Variants in AGBL4 observed in about 807,000 individuals in gnomAD.
The protein encoded by AGBL4 is AGBL carboxypeptidase 4.
Under a neutral mutation model 66.4 loss-of-function variants are expected in AGBL4, and 58 were observed. That is an observed-to-expected ratio of 0.87 (90% CI 0.71 to 1.09). The LOEUF is 1.09. Among genes scored for constraint, AGBL4 ranks in the 50% least tolerant of loss-of-function variants. The pLI, the probability that AGBL4 is intolerant of heterozygous loss-of-function variation, is 0.00. For synonymous variants in AGBL4, 234 were observed against 222.9 expected, an observed-to-expected ratio of 1.05 and a Z score of -0.44; for missense variants, 579 against 631.0, an observed-to-expected ratio of 0.92 and a Z score of 0.88.
At chr1:49,135,675 A>G (rs1645996778) in intron 4 of AGBL4, among the ~76,000 whole-genome samples, 1 of 152,212 alleles carries the variant, frequency 6.6e-6, no homozygotes, top group African/African-American at 2.4e-5. Context: ...TCCTTAAGGC[A>G]CAGATCGCTC....
At chr1:49,055,711 T>G (rs1644296026) in intron 4 of AGBL4, among the ~76,000 whole-genome samples, 1 of 152,146 alleles carries the variant, frequency 6.6e-6, no homozygotes, top group East Asian at 1.9e-4. Context: ...ATAATTACTT[T>G]GATTTTAAGA....
chr1:50,019,292 T>TCACA (rs1662243099), intron 1 of AGBL4, among the ~76,000 whole-genome samples: 1 of 106,634 alleles, frequency 9.4e-6, no homozygotes, highest in African/African-American at 3.3e-5. Flanking sequence ...TCTCTCTCTC[T>TCACA]CTCTCTCTCT....
chr1:49,384,767 T>C (rs1289056355), intron 3 of AGBL4, among the ~76,000 whole-genome samples: 1 of 152,044 alleles, frequency 6.6e-6, no homozygotes, highest in Non-Finnish European at 1.5e-5. Context: ...GACAAGAATG[T>C]GGAGAAATTG....
chr1:48,554,324 T>A (rs1267524537), intron 11 of AGBL4, among the ~76,000 whole-genome samples: 1 of 152,202 alleles, frequency 6.6e-6, no homozygotes, highest in East Asian at 1.9e-4. Context: ...AAATGCTGTA[T>A]GCCTTGGGCA....
chr1:48,607,899 T>C (rs553500906), intron 9 of AGBL4, among the ~76,000 whole-genome samples: 1 of 152,330 alleles, frequency 6.6e-6, no homozygotes, highest in South Asian at 2.1e-4. Flanking sequence ...TTAATCCTTA[T>C]GACAACTTTA....
At chr1:48,641,858 A>C (rs958900465) in intron 8 of AGBL4, among the ~76,000 whole-genome samples, 1 of 152,196 alleles carries the variant, frequency 6.6e-6, no homozygotes, top group South Asian at 2.1e-4. Context: ...GTAAGAGCCT[A>C]ATAGAGGGAC....
chr1:49,991,381 T>C (rs910854668), intron 1 of AGBL4, among the ~76,000 whole-genome samples: 1 of 152,214 alleles, frequency 6.6e-6, no homozygotes, highest in African/African-American at 2.4e-5. Flanking sequence ...CTTATGCATC[T>C]GCATACATGA....
At chr1:48,621,896 G>A (rs1248428491) in intron 9 of AGBL4, among the ~76,000 whole-genome samples, 2 of 151,158 alleles carry the variant, frequency 1.3e-5, no homozygotes, top group African/African-American at 4.9e-5. Context: ...TGCAATTGCT[G>A]GCTCAAAGCT....
chr1:49,603,929 TACAC>T (rs60862640), intron 3 of AGBL4, among the ~76,000 whole-genome samples: 14,345 of 140,352 alleles, frequency 0.1, 826 homozygotes, highest in East Asian at 0.23. Context: ...TTCCATGGTA[TACAC>T]ACACACACAC....
intron 3 of AGBL4, among the ~76,000 whole-genome samples, chr1:49,365,820 A>G (rs541826614): frequency 1.3e-5 from 2 of 152,280 alleles, no homozygotes; most frequent in Admixed American, 1.3e-4. Context: ...CCTCAGAAAG[A>G]TCTGGAGTTG....
At chr1:50,004,509 C>T (rs1035003186) in intron 1 of AGBL4, among the ~76,000 whole-genome samples, 1 of 152,168 alleles carries the variant, frequency 6.6e-6, no homozygotes, top group Non-Finnish European at 1.5e-5. Context: ...AAAGTGACAC[C>T]TTCCTTCCTC....
chr1:49,399,743 A>T (rs756143972), intron 3 of AGBL4, among the ~76,000 whole-genome samples: 72 of 152,054 alleles, frequency 4.7e-4, no homozygotes, highest in Non-Finnish European at 8.1e-4. Context: ...TATTCTGGTT[A>T]TTAATCCCTT....
intron 3 of AGBL4, among the ~76,000 whole-genome samples, chr1:49,358,333 T>C (rs1012482760): frequency 1.3e-5 from 2 of 151,974 alleles, no homozygotes; most frequent in African/African-American, 2.4e-5. Context: ...AGATTAGATA[T>C]AGATTGAATG....
At chr1:49,797,558 C>G (rs1297963789) in intron 2 of AGBL4, among the ~76,000 whole-genome samples, 1 of 152,068 alleles carries the variant, frequency 6.6e-6, no homozygotes, top group African/African-American at 2.4e-5. Context: ...ATGTCAATCT[C>G]CCAAGGATCT....
intron 9 of AGBL4, among the ~76,000 whole-genome samples, chr1:48,592,852 T>C (rs1644939107): frequency 6.6e-6 from 1 of 152,128 alleles, no homozygotes; most frequent in Non-Finnish European, 1.5e-5. Flanking sequence ...CTTTTACTTT[T>C]AAATTTTTTT....
intron 1 of AGBL4, among the ~76,000 whole-genome samples, chr1:49,880,479 C>G (rs912378529): frequency 6.6e-6 from 1 of 152,024 alleles, no homozygotes; most frequent in Non-Finnish European, 1.5e-5. Flanking sequence ...GCTTGGGGGT[C>G]GGGGTCAGGG....
intron 9 of AGBL4, among the ~76,000 whole-genome samples, chr1:48,604,666 T>C (rs1038959329): frequency 6.6e-6 from 1 of 152,148 alleles, no homozygotes; most frequent in African/African-American, 2.4e-5. Context: ...ACTTAGGCCC[T>C]CTATTACAAT....
At chr1:48,544,704 A>C (rs551261840) in intron 11 of AGBL4, among the ~76,000 whole-genome samples, 1 of 152,296 alleles carries the variant, frequency 6.6e-6, no homozygotes, top group South Asian at 2.1e-4. Flanking sequence ...CCATGTGAGC[A>C]GTCTGACTGC....
intron 2 of AGBL4, 63 bp downstream of exon 2, chr1:49,851,333 A>C: frequency 6.8e-7 from 1 of 1,464,848 alleles, no homozygotes; most frequent in South Asian, 1.5e-5. Flanking sequence ...CATAAAATTC[A>C]ATTCTGAAAA....
Sources: allele counts gnomAD v4.1 joint callset (sites outside exome capture counted in the v4.1 genomes callset), GRCh38; gene constraint gnomAD v4.1.1; transcripts MANE v1.5; gene names NCBI Gene and HGNC (gene_info 2026-07-23, HGNC 2026-07-21).